ZNF407: variants seen among roughly 807,000 people sequenced by gnomAD.
ZNF407 encodes the protein zinc finger protein 407.
A neutral mutation model predicts 131.2 loss-of-function variants in ZNF407; 17 were observed. That is an observed-to-expected ratio of 0.13 (90% CI 0.09 to 0.19). The LOEUF (loss-of-function observed/expected upper bound fraction) is 0.19. Ranked by LOEUF, ZNF407 falls within the 10% of genes least tolerant of loss-of-function variation. The pLI, the probability that ZNF407 is intolerant of heterozygous loss-of-function variation, is 1.00. For synonymous variants in ZNF407, 1,156 were observed against 1,062.0 expected, an observed-to-expected ratio of 1.09 and a Z score of -1.72; for missense variants, 2,681 against 2,830.6, an observed-to-expected ratio of 0.95 and a Z score of 1.20.
rs918585995 is a variant in ZNF407, at chr18:74,632,416, C to A, written c.1397C>A (p.Thr466Lys). ...AGGATGTATATGAAACACTTGAGAA[C>A]ACAGATGAAAACACACGATGCAGAA... ...TQRMYMKHLR[T>K]QMKTHDAESV... is the part of the protein sequence containing the mutation. Residue 466 changes from threonine (T) to lysine (K), a missense_variant, in exon 2 of 9, where the codon ACA becomes AAA. Physicochemically the swap from Thr to Lys is moderately conservative, Grantham distance 78. Transcript: ENST00000299687. The A allele has an allele frequency of 6.2e-7, 1 of 1,614,024 alleles. No homozygotes were observed. Among genetic ancestry groups the A allele is most frequent in the African/African-American group, 1.3e-5 (1 of 75,054 alleles).
intron 3 of ZNF407, among the ~76,000 whole-genome samples, chr18:74,777,561 A>T (rs1969498692): frequency 6.6e-6 from 1 of 152,132 alleles, no homozygotes; most frequent in South Asian, 2.1e-4. Context: ...CCAAAAATGG[A>T]TCATTTCTTT....
At chr18:74,952,015 TA>T (rs1972220482) in intron 8 of ZNF407, among the ~76,000 whole-genome samples, 2 of 152,142 alleles carry the variant, frequency 1.3e-5, no homozygotes, top group African/African-American at 2.4e-5. Context: ...CTCTATGAAG[TA>T]TTGCTAGAAT....
rs1227407903 is a variant in ZNF407, at chr18:74,618,418, A to G, written c.-53-12549A>G. 2.0e-5 allele frequency among the ~76,000 whole-genome samples: 3 copies of G among 152,172 alleles called. 1 individual carries two copies. The highest frequency in any genetic ancestry group is 4.1e-4 in the South Asian group (2 of 4,828). The stretch of plus-strand genomic sequence containing the variant: ...TATTTAATGTGAGGTCCAGCGAACC[A>G]TAGGTAACTTTCTTGGTGCAGATGA... On this transcript the variant is annotated intron_variant, in intron 1 of 8. Coordinates refer to ENST00000299687, the MANE Select transcript of ZNF407 (RefSeq NM_017757.3).
chr18:75,063,567 A>C lies in ZNF407; in HGVS notation c.5846A>C (p.Glu1949Ala), dbSNP rs1227194640. The C allele has an allele frequency of 6.4e-7, 1 of 1,566,334 alleles. No homozygotes were observed. Among genetic ancestry groups the C allele is most frequent in the Non-Finnish European group, 8.6e-7 (1 of 1,157,334 alleles). ...TQVVVVGGSM[E>A]GHGMDESLSP... ...GTGGTCGTCGTGGGGGGCTCCATGG[A>C]AGGCCACGGCATGGATGAGTCCCTC... is the stretch of plus-strand genomic sequence containing the variant. The change falls in exon 9 of 9, where the codon GAA (glutamate) becomes GCA (alanine). Residue 1949 changes from glutamate to alanine, a missense_variant. Around this residue, in one of 6 missense-constraint regions of ZNF407, gnomAD observed 620 missense variants for 583.1 expected, o/e 1.06. Coordinates refer to ENST00000299687, the MANE Select transcript of ZNF407 (RefSeq NM_017757.3). This position sits in a 1 kb window ranked among gnomAD's most constrained non-coding sequence, Gnocchi z 6.6.
rs374964879 is a variant in ZNF407, at chr18:74,968,454, C to T, written c.5428+47762C>T. On this transcript the variant is annotated intron_variant, in intron 8 of 8. Transcript: ENST00000299687. Reference sequence around the variant, plus strand: ...TTATTCTTTTGTCATTTCTTGTGTTCGAATAACTCCCTTTAACTAGAATTT... The same window carrying T: ...TTATTCTTTTGTCATTTCTTGTGTTTGAATAACTCCCTTTAACTAGAATTT... Among the ~76,000 whole-genome samples, 16 of 152,254 alleles carry T rather than the reference C, an allele frequency of 1.1e-4. No homozygotes were observed. The South Asian group carries it at 3.3e-3, about 32-fold the overall frequency.
chr18:74,881,207 C>A, intron 6 of ZNF407, 88 bp downstream of exon 6: 1 of 1,236,432 alleles, frequency 8.1e-7, no homozygotes, highest in Non-Finnish European at 1.1e-6. Context: ...CATTTACTTT[C>A]CTTTTTAATT....
chr18:74,846,503 C>G (rs994338921), intron 4 of ZNF407, among the ~76,000 whole-genome samples: 2 of 151,372 alleles, frequency 1.3e-5, no homozygotes, highest in Non-Finnish European at 2.9e-5. Flanking sequence ...CCACGCCCAG[C>G]TAATTTTTGT....
chr18:75,029,630 GGTGTGCGTGC>G (rs1356023011), intron 8 of ZNF407, among the ~76,000 whole-genome samples: 3 of 151,912 alleles, frequency 2.0e-5, no homozygotes, highest in Non-Finnish European at 4.4e-5. Context: ...GGTGTGCGTG[GGTGTGCGTGC>G]GTGTGCATGC....
intron 1 of ZNF407, among the ~76,000 whole-genome samples, chr18:74,612,117 C>T (rs1983085675): frequency 6.6e-6 from 1 of 152,012 alleles, no homozygotes; most frequent in Non-Finnish European, 1.5e-5. Flanking sequence ...AACATAATCT[C>T]AAGGGGGAAA....
intron 3 of ZNF407, among the ~76,000 whole-genome samples, chr18:74,717,320 A>T (rs960721830): frequency 6.6e-6 from 1 of 152,130 alleles, no homozygotes; most frequent in Non-Finnish European, 1.5e-5. Flanking sequence ...TCAAGATTGT[A>T]CTCCTGAGTC....
chr18:74,890,094 G>T, intron 7 of ZNF407, 56 bp downstream of exon 7: 1 of 1,406,146 alleles, frequency 7.1e-7, no homozygotes, highest in Non-Finnish European at 9.3e-7. Context: ...TGGATTAAAA[G>T]CCCGTTAAAT....
intron 4 of ZNF407, among the ~76,000 whole-genome samples, chr18:74,850,937 TTAAA>T (rs1409046466): frequency 6.6e-6 from 1 of 152,178 alleles, no homozygotes; most frequent in Admixed American, 6.5e-5. Flanking sequence ...TAAAGATTTC[TTAAA>T]TGAATGAGTG....
intron 4 of ZNF407, among the ~76,000 whole-genome samples, chr18:74,839,942 A>C (rs1229747986): frequency 6.6e-6 from 1 of 152,204 alleles, no homozygotes; most frequent in Non-Finnish European, 1.5e-5. Flanking sequence ...CTAAGGAAGC[A>C]AGTGAAGAAT....
intron 8 of ZNF407, among the ~76,000 whole-genome samples, chr18:75,058,535 T>C (rs77905175): frequency 0.016 from 2,414 of 152,318 alleles, 62 homozygotes; most frequent in African/African-American, 0.05. Context: ...TGTTACTGTA[T>C]TGAAATCTGA....
At chr18:74,697,533 G>A (rs1011884565) in intron 3 of ZNF407, among the ~76,000 whole-genome samples, 4 of 151,662 alleles carry the variant, frequency 2.6e-5, no homozygotes, top group Non-Finnish European at 4.4e-5. Context: ...ATGGCTGTTC[G>A]TTTTATAGAA....
At chr18:74,885,430 C>T (rs945291166) in intron 6 of ZNF407, among the ~76,000 whole-genome samples, 2 of 152,164 alleles carry the variant, frequency 1.3e-5, no homozygotes, top group East Asian at 1.9e-4. Context: ...ATTTCGTTCA[C>T]ATCGATCAAT....
intron 1 of ZNF407, among the ~76,000 whole-genome samples, chr18:74,609,435 T>C (rs1411585616): frequency 2.0e-5 from 3 of 152,154 alleles, no homozygotes; most frequent in African/African-American, 2.4e-5. Context: ...CTGTAGGCAA[T>C]TGTAACTCAA....
chr18:74,664,450 GT>G (rs1985848607), intron 3 of ZNF407, among the ~76,000 whole-genome samples: 9 of 152,164 alleles, frequency 5.9e-5, no homozygotes, highest in Admixed American at 5.9e-4. Context: ...AGCCGAGATT[GT>G]GCCACTGCAC....
intron 3 of ZNF407, among the ~76,000 whole-genome samples, chr18:74,719,385 G>GCTTACTTACTTA (rs36159311): frequency 6.6e-6 from 1 of 150,772 alleles, no homozygotes; most frequent in African/African-American, 2.4e-5. Context: ...TTACTTGCTT[G>GCTTACTTACTTA]CTTACTTACT....
Sources: allele counts gnomAD v4.1 joint callset (sites outside exome capture counted in the v4.1 genomes callset), GRCh38; gene constraint gnomAD v4.1.1; regional missense constraint gnomAD v4.1.1; non-coding constraint Gnocchi (gnomAD v3.1); transcripts MANE v1.5; gene names NCBI Gene and HGNC (gene_info 2026-07-23, HGNC 2026-07-21).